The following PTPA variants were observed in gnomAD, a reference collection of about 807,000 sequenced individuals.
PTPA encodes the protein protein phosphatase 2 phosphatase activator, also known as serine/threonine-protein phosphatase 2A activator.
Under a neutral mutation model 43.6 loss-of-function variants are expected in PTPA, and 13 were observed. The observed-to-expected ratio is 0.30, with a 90% CI of 0.19 to 0.47. The LOEUF (loss-of-function observed/expected upper bound fraction) is 0.47, where lower values mean the gene tolerates loss of function less well. Ranked by LOEUF, PTPA falls within the 20% of genes least tolerant of loss-of-function variation. PTPA has a pLI of 0.99. For synonymous variants in PTPA, 172 were observed against 158.2 expected (o/e 1.09, Z -0.66); for missense variants, 329 against 411.9 (o/e 0.80, Z 1.74).
chr9:129,147,487 C>A lies in PTPA; in HGVS notation c.*23C>A, dbSNP rs375232146. On this transcript the variant is annotated 3_prime_UTR_variant, in exon 10 of 10. Coordinates refer to ENST00000393370, the MANE Select transcript of PTPA (RefSeq NM_178000.3). ...TAGGAGGGGCCAAGCCGAAGAGCCA[C>A]CCAGGCCACAGTTCCTGTGCCTGCC... is the stretch of plus-strand genomic sequence containing the variant. 1.9e-6 allele frequency: 3 copies of A among 1,608,992 alleles called. No individual in the cohort carries two copies. Among genetic ancestry groups the A allele is most frequent in the South Asian group, 1.1e-5 (1 of 90,960 alleles).
upstream of PTPA, chr9:129,111,049 T>C: frequency 7.3e-7 from 1 of 1,368,622 alleles, no homozygotes; most frequent in Non-Finnish European, 9.8e-7. Context: ...GTGTGCACCT[T>C]TCCAACTCCG....
chr9:129,116,303 G>T (rs570756293), intron 1 of PTPA, among the ~76,000 whole-genome samples: 2 of 151,216 alleles, frequency 1.3e-5, no homozygotes, highest in Non-Finnish European at 2.9e-5. Flanking sequence ...TCTCACCTCA[G>T]CCTCCCAAGT....
rs115361324 is a variant in PTPA at position 129,122,792 on chromosome 9, C to T, written c.130-260C>T. 5.2e-3 allele frequency among the ~76,000 whole-genome samples: 791 copies of T among 152,344 alleles called. 9 individuals are homozygous for T. Among genetic ancestry groups the T allele is most frequent in the African/African-American group, 0.018 (752 of 41,576 alleles). The stretch of plus-strand genomic sequence containing the variant: ...ATAGGGCTATTGTGTAAAAAAACTG[C>T]TGGCAGCAATAGTGAGTACTTGGTT... On this transcript the variant is annotated intron_variant, in intron 2 of 9. Transcript: ENST00000393370.
At chr9:129,135,717 G>A (rs1302755397) in intron 6 of PTPA, among the ~76,000 whole-genome samples, 2 of 152,252 alleles carry the variant, frequency 1.3e-5, no homozygotes, top group Non-Finnish European at 2.9e-5. Context: ...GTCTAGCAGT[G>A]CTGCTGCAGC....
At chr9:129,138,685 C>T (rs1191066568) in intron 8 of PTPA, among the ~76,000 whole-genome samples, 1 of 152,218 alleles carries the variant, frequency 6.6e-6, no homozygotes, top group African/African-American at 2.4e-5. Context: ...TGCTCTCCGT[C>T]CGGGCTGTGT....
At chr9:129,126,609 A>G (rs749381354) in intron 3 of PTPA, among the ~76,000 whole-genome samples, 2 of 152,174 alleles carry the variant, frequency 1.3e-5, no homozygotes, top group Non-Finnish European at 2.9e-5. Context: ...TAAAACTTAC[A>G]AGGGGGCAAA....
intron 1 of PTPA, 45 bp downstream of exon 1, chr9:129,111,676 G>T: frequency 7.9e-7 from 1 of 1,270,300 alleles, no homozygotes; most frequent in Non-Finnish European, 1.0e-6. Context: ...GGTAGGGTGG[G>T]GGCGGTGCCA....
intron 7 of PTPA, 115 bp from the exon 8 acceptor site, chr9:129,137,477 G>T: frequency 1.4e-6 from 1 of 724,380 alleles, no homozygotes; most frequent in South Asian, 1.8e-5. Flanking sequence ...AAGGTGAGGT[G>T]TTGAGGGCAC....
chr9:129,120,456 T>A, intron 1 of PTPA, 57 bp from the exon 2 acceptor site: 1 of 1,040,874 alleles, frequency 9.6e-7, no homozygotes, highest in Non-Finnish European at 1.4e-6. Context: ...AGGGAGTGTG[T>A]GTGTTGTAGG....
rs1849760053 is a variant in PTPA at position 129,128,884 on chromosome 9, C to T, written c.217-101C>T. On this transcript the variant is annotated intron_variant, in intron 3 of 9. Transcript: ENST00000393370. ...GATGGGGGAGAGTTCCCAGTAGGGG[C>T]CATGCCAAGGGGTCATTGTCTGGCA... is the stretch of plus-strand genomic sequence containing the variant. 4 of 1,442,786 alleles carry T rather than the reference C, an allele frequency of 2.8e-6. No individual in the cohort carries two copies. In the South Asian group the frequency reaches 4.9e-5, roughly 18 times the overall value. 89.4% of individuals were successfully genotyped at this position (1,442,786 alleles called of 1,614,324 possible).
Position 129,131,503 on chromosome 9 carries a change from G to T in PTPA, c.343-19G>T. Reference sequence around the variant, plus strand: ...CTGCTTAATATGCTGCCACCACTTTGTGTCTCTTGTGTTACCAGGAAGCAG... The same window carrying T: ...CTGCTTAATATGCTGCCACCACTTTTTGTCTCTTGTGTTACCAGGAAGCAG... On this transcript the variant is annotated intron_variant, in intron 4 of 9. Transcript: ENST00000393370. The T allele has an allele frequency of 1.2e-6, 2 of 1,609,060 alleles. No individual in the cohort carries two copies. Among genetic ancestry groups the T allele is most frequent in the East Asian group, 2.2e-5 (1 of 44,856 alleles).
At chr9:129,132,404 A>G (rs1850037191) in intron 5 of PTPA, among the ~76,000 whole-genome samples, 1 of 152,066 alleles carries the variant, frequency 6.6e-6, no homozygotes, top group Non-Finnish European at 1.5e-5. Flanking sequence ...ATCTTGGCCC[A>G]CTGCAGCCTT....
intron 3 of PTPA, among the ~76,000 whole-genome samples, chr9:129,128,450 C>T (rs963205358): frequency 6.6e-6 from 1 of 151,070 alleles, no homozygotes; most frequent in Non-Finnish European, 1.5e-5. Context: ...GCAGGAGAAT[C>T]GCTTGAACCT....
intron 7 of PTPA, 62 bp from the exon 8 acceptor site, chr9:129,137,530 C>G (rs1465892920): frequency 1.3e-5 from 18 of 1,377,250 alleles, no homozygotes; most frequent in African/African-American, 2.9e-5. Flanking sequence ...GACTGCTGGG[C>G]CGGGTTGCCC....
intron 8 of PTPA, among the ~76,000 whole-genome samples, chr9:129,138,922 G>A (rs753204444): frequency 5.3e-5 from 8 of 152,216 alleles, no homozygotes; most frequent in Non-Finnish European, 1.0e-4. Context: ...GCCCAAGGTC[G>A]GGAGGACTTG....
At chr9:129,116,178 C>T (rs1236724901) in intron 1 of PTPA, among the ~76,000 whole-genome samples, 1 of 151,722 alleles carries the variant, frequency 6.6e-6, no homozygotes, top group East Asian at 1.9e-4. Context: ...CTCGCCACCA[C>T]GCCTGACTAA....
chr9:129,132,702 C>T (rs561869260), intron 5 of PTPA, among the ~76,000 whole-genome samples: 4 of 152,316 alleles, frequency 2.6e-5, no homozygotes, highest in Admixed American at 1.3e-4. Context: ...AGGCTGGTCT[C>T]GAACTCCTGA....
At chr9:129,145,765 T>C (rs1340164092) in intron 9 of PTPA, among the ~76,000 whole-genome samples, 1 of 150,630 alleles carries the variant, frequency 6.6e-6, no homozygotes, top group East Asian at 2.0e-4. Flanking sequence ...GCCATGGCTG[T>C]GTGGGTGCTG....
chr9:129,142,839 ATGGGGGCCTCCCTTCTCCTTTATCAAG>A lies in PTPA; in HGVS notation c.894+291_894+317del, dbSNP rs1287470178. 5 of 1,531,902 alleles carry A rather than the reference ATGGGGGCCTCCCTTCTCCTTTATCAAG, an allele frequency of 3.3e-6. No homozygotes were observed. In the African/African-American group the frequency reaches 4.1e-5, roughly 13 times the overall value. 94.9% of individuals were successfully genotyped at this position (1,531,902 alleles called of 1,614,324 possible). On this transcript the variant is annotated intron_variant, in intron 9 of 9. Coordinates refer to ENST00000393370, the MANE Select transcript of PTPA (RefSeq NM_178000.3). ...ACCTGCTGCATGGGGAGTGGGGGCG[ATGGGGGCCTCCCTTCTCCTTTATCAAG>A]TGGCCAAAGGCTCCTCAAAGCTCGG...
Sources: allele counts gnomAD v4.1 joint callset (sites outside exome capture counted in the v4.1 genomes callset), GRCh38; gene constraint gnomAD v4.1.1; transcripts MANE v1.5; gene names NCBI Gene and HGNC (gene_info 2026-07-23, HGNC 2026-07-21).